Variants in ERBB4 observed in about 807,000 individuals in gnomAD.
ERBB4 encodes the protein erb-b2 receptor tyrosine kinase 4.
In ERBB4, 42 loss-of-function variants were observed where a neutral mutation model predicts 158.0. The ratio of observed to expected loss-of-function variants is 0.27; its 90% CI spans 0.21 to 0.34. The LOEUF is 0.34. ERBB4 is among the 10% of genes least tolerant of loss of function. The probability of loss-of-function intolerance (pLI) is 1.00; values close to 1 mark genes in which losing one functional copy is unlikely to be tolerated. For missense variants in ERBB4, 1,333 were observed against 1,624.1 expected (o/e 0.82, Z 3.08); for synonymous variants, 583 against 558.7 (o/e 1.04, Z -0.61).
At chr2:212,241,257 A>G (rs2084093044) in intron 1 of ERBB4, among the ~76,000 whole-genome samples, 1 of 149,648 alleles carries the variant, frequency 6.7e-6, no homozygotes, top group African/African-American at 2.5e-5. Context: ...GCCCTGTCTC[A>G]AAAATAAAAA....
At chr2:211,978,412 A>G (rs184372529) in intron 2 of ERBB4, among the ~76,000 whole-genome samples, 38 of 151,650 alleles carry the variant, frequency 2.5e-4, no homozygotes, top group African/African-American at 5.3e-4. Flanking sequence ...CTATCTATCT[A>G]TCTATCTATC....
intron 3 of ERBB4, among the ~76,000 whole-genome samples, chr2:211,939,156 T>C (rs1188715556): frequency 1.3e-5 from 2 of 152,120 alleles, no homozygotes; most frequent in African/African-American, 4.8e-5. Flanking sequence ...ATTGCTCAAG[T>C]TTGGATTGTT....
At chr2:212,360,344 T>TC (rs2089639563) in intron 1 of ERBB4, among the ~76,000 whole-genome samples, 1 of 151,602 alleles carries the variant, frequency 6.6e-6, no homozygotes, top group South Asian at 2.1e-4. Context: ...CCTTGCCCTT[T>TC]CCCACATCCT....
At chr2:212,237,311 G>A (rs2083916637) in intron 1 of ERBB4, among the ~76,000 whole-genome samples, 1 of 152,150 alleles carries the variant, frequency 6.6e-6, no homozygotes, top group South Asian at 2.1e-4. Context: ...CTATTTGTTA[G>A]TTTTCCTTTT....
intron 1 of ERBB4, among the ~76,000 whole-genome samples, chr2:212,300,636 C>G (rs1011669601): frequency 6.6e-6 from 1 of 151,324 alleles, no homozygotes; most frequent in Non-Finnish European, 1.5e-5. Flanking sequence ...TGACGGGAAC[C>G]ACTTATTCAC....
At chr2:211,622,990 A>AATATATAT (rs1165877419) in intron 18 of ERBB4, among the ~76,000 whole-genome samples, 21 of 21,870 alleles carry the variant, frequency 9.6e-4, no homozygotes, top group East Asian at 2.3e-3. Flanking sequence ...AAAAAAAAAA[A>AATATATAT]ATATATATAT....
chr2:211,518,096 T>G (rs2066085854), intron 20 of ERBB4, among the ~76,000 whole-genome samples: 1 of 152,074 alleles, frequency 6.6e-6, no homozygotes, highest in African/African-American at 2.4e-5. Flanking sequence ...GTAATATGAC[T>G]TTTCTTATTC....
At chr2:211,891,584 C>CA (rs1394240992) in intron 3 of ERBB4, among the ~76,000 whole-genome samples, 1 of 82,686 alleles carries the variant, frequency 1.2e-5, no homozygotes, top group Non-Finnish European at 2.3e-5. Flanking sequence ...AATAGAGACA[C>CA]AAAAAACCCT....
intron 1 of ERBB4, among the ~76,000 whole-genome samples, chr2:212,197,977 C>T (rs1207357840): frequency 2.0e-5 from 3 of 152,116 alleles, no homozygotes; most frequent in Non-Finnish European, 4.4e-5. Context: ...AACTATGAGG[C>T]TGCTAAATGG....
intron 1 of ERBB4, among the ~76,000 whole-genome samples, chr2:212,398,665 C>T (rs1212928917): frequency 6.6e-6 from 1 of 152,036 alleles, no homozygotes; most frequent in African/African-American, 2.4e-5. Flanking sequence ...GTTACTAAAA[C>T]AATTGTATTT....
intron 2 of ERBB4, among the ~76,000 whole-genome samples, chr2:212,113,214 G>A (rs1406010801): frequency 2.0e-5 from 3 of 152,052 alleles, no homozygotes; most frequent in African/African-American, 4.8e-5. Context: ...AAATAGAGAA[G>A]GGTAAAAAGA....
At chr2:212,238,601 C>T (rs1447677029) in intron 1 of ERBB4, among the ~76,000 whole-genome samples, 3 of 152,112 alleles carry the variant, frequency 2.0e-5, no homozygotes, top group Non-Finnish European at 2.9e-5. Context: ...TGATTGAAAA[C>T]TATATATTAT....
At chr2:212,342,678 T>C (rs2088779399) in intron 1 of ERBB4, among the ~76,000 whole-genome samples, 2 of 152,318 alleles carry the variant, frequency 1.3e-5, no homozygotes, top group South Asian at 2.1e-4. Flanking sequence ...CAGTAATTAC[T>C]CATACCTGAT....
At chr2:211,490,139 T>C (rs964434480) in intron 20 of ERBB4, among the ~76,000 whole-genome samples, 1 of 152,032 alleles carries the variant, frequency 6.6e-6, no homozygotes, top group African/African-American at 2.4e-5. Context: ...TAAAACATCT[T>C]TTCCTAAAAT....
rs569375778 is a variant in ERBB4, at chr2:212,094,707, C to T, written c.234+30045G>A. 2.6e-5 allele frequency among the ~76,000 whole-genome samples: 4 copies of T among 152,284 alleles called. No individual in the cohort carries two copies. The East Asian group carries it at 7.7e-4, about 29-fold the overall frequency. ...GGCCTCATCAGAAGCTAAGCAGGTGCTGGTGCCATGCTTCCTGTGCAGCCT... is the reference window on the plus strand; with the variant it reads ...GGCCTCATCAGAAGCTAAGCAGGTGTTGGTGCCATGCTTCCTGTGCAGCCT... On this transcript the variant is annotated intron_variant, in intron 2 of 27. Transcript: ENST00000342788.
intron 1 of ERBB4, among the ~76,000 whole-genome samples, chr2:212,393,969 C>A (rs2090953070): frequency 6.6e-6 from 1 of 152,084 alleles, no homozygotes; most frequent in South Asian, 2.1e-4. Context: ...AAGTCAAATG[C>A]TAAATATGGC....
intron 19 of ERBB4, among the ~76,000 whole-genome samples, chr2:211,613,448 C>A (rs2069273355): frequency 7.0e-6 from 1 of 142,842 alleles, no homozygotes; most frequent in Admixed American, 6.7e-5. Flanking sequence ...ATGTGAGGCT[C>A]CTGCTGATTG....
At chr2:212,291,173 T>C (rs2086192876) in intron 1 of ERBB4, among the ~76,000 whole-genome samples, 1 of 152,126 alleles carries the variant, frequency 6.6e-6, no homozygotes, top group Non-Finnish European at 1.5e-5. Flanking sequence ...TCTCCAAGCA[T>C]ATTTAACATT....
rs1217270481 is a variant in ERBB4 at position 212,003,112 on chromosome 2, AGAAG to A, written c.235-55500_235-55497del. On this transcript the variant is annotated intron_variant, in intron 2 of 27. Transcript: ENST00000342788. ...GAGAGACAGAGACAGAAAGAAAGAA[AGAAG>A]GAAGGAAGGAAGGAAGGAAGGAAGG... 5.4e-3 allele frequency among the ~76,000 whole-genome samples: 261 copies of A among 48,176 alleles called. 16 individuals carry two copies. The highest frequency in any genetic ancestry group is 0.016 in the African/African-American group (232 of 14,704). The allele number at this position is 48,176 out of a possible 152,430, so 31.6% of individuals were successfully genotyped here.
Sources: allele counts gnomAD v4.1 joint callset (sites outside exome capture counted in the v4.1 genomes callset), GRCh38; gene constraint gnomAD v4.1.1; transcripts MANE v1.5; gene names NCBI Gene and HGNC (gene_info 2026-07-23, HGNC 2026-07-21).